PBX3: variants seen among roughly 807,000 people sequenced by gnomAD.
PBX3 encodes the protein PBX homeobox 3.
Under a neutral mutation model 48.5 loss-of-function variants are expected in PBX3, and 14 were observed. That is an observed-to-expected ratio of 0.29 (90% CI 0.19 to 0.45). The LOEUF (loss-of-function observed/expected upper bound fraction) is 0.45, where lower values mean the gene tolerates loss of function less well. Ranked by LOEUF, PBX3 falls within the 20% of genes least tolerant of loss-of-function variation. PBX3 has a pLI of 1.00. For synonymous variants in PBX3, 210 were observed against 200.3 expected, an observed-to-expected ratio of 1.05 and a Z score of -0.41; for missense variants, 386 against 546.7, an observed-to-expected ratio of 0.71 and a Z score of 2.93.
At chr9:125,785,515 C>T (rs185234653) in intron 2 of PBX3, among the ~76,000 whole-genome samples, 163 of 152,318 alleles carry the variant, frequency 1.1e-3, no homozygotes, top group Middle Eastern at 0.01. Flanking sequence ...CCAGGGGCTT[C>T]TGGGCCTTTG....
intron 2 of PBX3, among the ~76,000 whole-genome samples, chr9:125,772,215 G>C (rs758158363): frequency 6.6e-6 from 1 of 151,914 alleles, no homozygotes; most frequent in Non-Finnish European, 1.5e-5. Flanking sequence ...GAATAATAAG[G>C]TGATTTTCAA....
chr9:125,882,221 T>C (rs1442556748), intron 2 of PBX3, among the ~76,000 whole-genome samples: 1 of 150,930 alleles, frequency 6.6e-6, no homozygotes, highest in Non-Finnish European at 1.5e-5. Context: ...AGACCCTGTC[T>C]CACAATTTTT....
intron 2 of PBX3, among the ~76,000 whole-genome samples, chr9:125,908,798 A>C (rs1841135841): frequency 6.6e-6 from 1 of 152,110 alleles, no homozygotes; most frequent in Non-Finnish European, 1.5e-5. Flanking sequence ...CCAGTCCTAA[A>C]AATTTCTTCA....
intron 2 of PBX3, among the ~76,000 whole-genome samples, chr9:125,908,705 C>T (rs772537875): frequency 2.9e-4 from 44 of 151,978 alleles, no homozygotes; most frequent in Non-Finnish European, 5.7e-4. Context: ...TTAATTCTTT[C>T]CCCCGACTTA....
At chr9:125,873,483 A>C (rs1840177008) in intron 2 of PBX3, among the ~76,000 whole-genome samples, 1 of 152,232 alleles carries the variant, frequency 6.6e-6, no homozygotes, top group South Asian at 2.1e-4. Context: ...AATCAGCATG[A>C]CACATACCAT....
At chr9:125,959,549 C>G (rs7871599) in intron 5 of PBX3, among the ~76,000 whole-genome samples, 97,195 of 152,138 alleles carry the variant, frequency 0.64, 32,346 homozygotes, top group East Asian at 0.77. Flanking sequence ...TATTTCCAAA[C>G]CAATTAAAGA....
intron 2 of PBX3, among the ~76,000 whole-genome samples, chr9:125,786,789 A>G (rs138436057): frequency 6.6e-5 from 10 of 151,952 alleles, no homozygotes; most frequent in African/African-American, 2.2e-4. Flanking sequence ...CGATGGCCCA[A>G]TCTCAGCTCA....
chr9:125,768,188 G>A (rs1325206048), intron 2 of PBX3, among the ~76,000 whole-genome samples: 1 of 152,010 alleles, frequency 6.6e-6, no homozygotes, highest in East Asian at 1.9e-4. Context: ...TGCTTTATAG[G>A]GATTTAATTT....
At chr9:125,960,870 C>T (rs1842414774) in intron 6 of PBX3, 21 bp downstream of exon 6, 2 of 1,606,846 alleles carry the variant, frequency 1.2e-6, no homozygotes, top group South Asian at 2.2e-5. Context: ...GGGGCTCGCT[C>T]CCCAACTGGC....
chr9:125,915,871 G>A lies in PBX3; in HGVS notation c.460G>A (p.Ala154Thr). The A allele has an allele frequency of 1.2e-6, 2 of 1,614,068 alleles. No homozygotes were observed. The highest frequency in any genetic ancestry group is 1.1e-5 in the South Asian group (1 of 91,078). The change falls in exon 3 of 9, where the codon GCC (alanine) becomes ACC (threonine). Residue 154 changes from alanine to threonine, a missense_variant. Physicochemically the swap from Ala to Thr is moderately conservative, Grantham distance 58. Around this residue, in one of 4 missense-constraint regions of PBX3, gnomAD observed 74 missense variants for 206.1 expected, o/e 0.36. Coordinates refer to ENST00000373489, the MANE Select transcript of PBX3 (RefSeq NM_006195.6). ...DNSIEHSDYR[A>T]KLTQIRQIYH... Reference sequence around the variant, plus strand: ...CTCTATTGAACACTCAGATTACAGAGCCAAATTGACCCAGATCAGACAAAT... The same window carrying A: ...CTCTATTGAACACTCAGATTACAGAACCAAATTGACCCAGATCAGACAAAT...
At position 125,844,249 on chromosome 9, in the gene PBX3, T is replaced by TGAAGA. The variant is rs1839366007; in HGVS notation, c.275-71436_275-71435insAAGAG. Reference sequence around the variant, plus strand: ...CATTGAACTTGAAGAGAGTTAACGCTGGCAACAAGCTCCATAAGTGACTGT... The same window carrying TGAAGA: ...CATTGAACTTGAAGAGAGTTAACGCTGAAGAGGCAACAAGCTCCATAAGTGACTGT... On this transcript the variant is annotated intron_variant, in intron 2 of 8. Transcript: ENST00000373489. Among the ~76,000 whole-genome samples the TGAAGA allele has an allele frequency of 1.6e-4, 25 of 151,616 alleles. No individual in the cohort carries two copies. In the South Asian group the frequency reaches 5.2e-3, roughly 32 times the overall value.
At chr9:125,941,751 T>C (rs1841962882) in intron 5 of PBX3, among the ~76,000 whole-genome samples, 1 of 152,236 alleles carries the variant, frequency 6.6e-6, no homozygotes, top group African/African-American at 2.4e-5. Context: ...TTGAGAATCA[T>C]ACTTAAATTG....
intron 4 of PBX3, among the ~76,000 whole-genome samples, chr9:125,934,579 C>T (rs1165939473): frequency 1.3e-5 from 2 of 152,100 alleles, no homozygotes; most frequent in Non-Finnish European, 2.9e-5. Flanking sequence ...AGTCTGTTAC[C>T]CCCTTCCCAA....
chr9:125,799,028 G>A (rs1030288144), intron 2 of PBX3, among the ~76,000 whole-genome samples: 8 of 152,066 alleles, frequency 5.3e-5, no homozygotes, highest in African/African-American at 1.9e-4. Flanking sequence ...TATACATTTA[G>A]CTTTTAAATT....
At chr9:125,749,310 A>G (rs1184191416) in intron 2 of PBX3, 1 of 152,230 alleles carries the variant, frequency 6.6e-6, no homozygotes, top group Non-Finnish European at 1.5e-5. Flanking sequence ...ATAAGAAGAT[A>G]GGTTTTGCAG....
At chr9:125,761,618 A>G (rs1836669750) in intron 2 of PBX3, among the ~76,000 whole-genome samples, 1 of 152,102 alleles carries the variant, frequency 6.6e-6, no homozygotes, top group Admixed American at 6.6e-5. Flanking sequence ...AATAATAATA[A>G]TTTTAAAAAG....
chr9:125,750,589 T>G (rs1229405973), intron 2 of PBX3, among the ~76,000 whole-genome samples: 1 of 152,228 alleles, frequency 6.6e-6, no homozygotes, highest in Admixed American at 6.5e-5. Flanking sequence ...CTATTGCTAT[T>G]TAAAAACCAA....
At chr9:125,770,061 A>C (rs1229130286) in intron 2 of PBX3, among the ~76,000 whole-genome samples, 2 of 152,220 alleles carry the variant, frequency 1.3e-5, no homozygotes, top group Admixed American at 1.3e-4. Flanking sequence ...TAAATGAAGA[A>C]GGCTTCTACA....
chr9:125,799,242 A>G (rs1176933712), intron 2 of PBX3, among the ~76,000 whole-genome samples: 3 of 152,226 alleles, frequency 2.0e-5, no homozygotes, highest in African/African-American at 7.2e-5. Flanking sequence ...AGGCCGGTTC[A>G]GTGGTTCAGG....
Sources: gnomAD v4.1 joint callset for allele counts (sites outside exome capture counted in the v4.1 genomes callset) on GRCh38, gnomAD v4.1.1 for gene constraint, gnomAD v4.1.1 regional missense constraint, MANE v1.5 for transcripts, NCBI Gene and HGNC (gene_info 2026-07-23, HGNC 2026-07-21) for gene names.